The following ANO6 variants were observed in gnomAD, a reference collection of about 807,000 sequenced individuals.
ANO6 encodes anoctamin-6.
In ANO6, 106 loss-of-function variants were observed where a neutral mutation model predicts 117.5. That is an observed-to-expected ratio of 0.90 (90% confidence interval 0.77 to 1.06). The LOEUF (loss-of-function observed/expected upper bound fraction) is 1.06. Ranked by LOEUF, ANO6 falls within the 50% of genes least tolerant of loss-of-function variation. ANO6 has a pLI of 0.00. For missense variants in ANO6, 955 were observed against 1,121.1 expected (o/e 0.85, Z 2.12); for synonymous variants, 367 against 385.1 (o/e 0.95, Z 0.55).
chr12:45,404,661 G>A (rs1040182396), intron 15 of ANO6, among the ~76,000 whole-genome samples: 1 of 151,708 alleles, frequency 6.6e-6, no homozygotes, highest in Non-Finnish European at 1.5e-5. Context: ...CACCTCTCCC[G>A]CCTTCTGTCT....
intron 1 of ANO6, among the ~76,000 whole-genome samples, chr12:45,225,883 A>G (rs1565630643): frequency 6.6e-6 from 1 of 152,214 alleles, no homozygotes; most frequent in South Asian, 2.1e-4. Flanking sequence ...AGAACAGAAA[A>G]TATTTCCAAT....
At chr12:45,299,724 C>T (rs1939417564) in intron 1 of ANO6, among the ~76,000 whole-genome samples, 1 of 151,874 alleles carries the variant, frequency 6.6e-6, no homozygotes. Context: ...TGTAGTGGCA[C>T]GCCTGTAGTC....
In ANO6 at chr12:45,430,427, C is replaced by A. The variant is rs113012503; in HGVS notation, c.*1116C>A. On this transcript the variant is annotated 3_prime_UTR_variant, in exon 20 of 20. Transcript: ENST00000320560. Reference sequence around the variant, plus strand: ...GGAGTCTGCAGGAATTGGCTTATTTCTGTATGCCAAAGTGATCAACACACC... The same window carrying A: ...GGAGTCTGCAGGAATTGGCTTATTTATGTATGCCAAAGTGATCAACACACC... 2.0e-3 allele frequency: 1,999 copies of A among 985,332 alleles called. 25 individuals carry two copies. The African/African-American group carries it at 0.029, about 14-fold the overall frequency. The allele number at this position is 985,332 out of a possible 1,614,324, so 61.0% of individuals were successfully genotyped here. A position where few individuals can be genotyped will look rare whatever the true frequency, so the allele number is the denominator to read the frequency against.
intron 1 of ANO6, among the ~76,000 whole-genome samples, chr12:45,290,172 T>A (rs554963007): frequency 1.4e-4 from 20 of 147,282 alleles, no homozygotes; most frequent in East Asian, 7.8e-4. Flanking sequence ...ACATGTAAAA[T>A]TTTTTTTTTT....
intron 1 of ANO6, among the ~76,000 whole-genome samples, chr12:45,217,301 C>G (rs1947331546): frequency 1.3e-5 from 2 of 152,108 alleles, no homozygotes; most frequent in South Asian, 4.1e-4. Context: ...TCTGTTGTGG[C>G]GACTCGGCTT....
At chr12:45,407,413 C>A (rs1412934083) in intron 15 of ANO6, among the ~76,000 whole-genome samples, 1 of 150,010 alleles carries the variant, frequency 6.7e-6, no homozygotes, top group Non-Finnish European at 1.5e-5. Flanking sequence ...AGAAACCACA[C>A]CCAGTGACCT....
chr12:45,225,688 A>C (rs1014538417), intron 1 of ANO6, among the ~76,000 whole-genome samples: 32 of 152,022 alleles, frequency 2.1e-4, no homozygotes, highest in Non-Finnish European at 4.6e-4. Flanking sequence ...ACGGGGTTTC[A>C]CCCTGTTAAC....
In ANO6 at chr12:45,357,367, T is replaced by C; in HGVS notation, c.941T>C (p.Val314Ala). ...ACTCAGATGCTTCTCCTGGCCGCAGTTGTAGGAGTGGCTTGCTTTCTCTAT... is the reference window on the plus strand; with the variant it reads ...ACTCAGATGCTTCTCCTGGCCGCAGCTGTAGGAGTGGCTTGCTTTCTCTAT... ...YYTQMLLLAA[V>A]VGVACFLYGY... is the part of the protein sequence containing the mutation. The change falls in exon 8 of 20, where the codon GTT (valine) becomes GCT (alanine). Residue 314 changes from valine (V) to alanine (A), a missense_variant. Transcript: ENST00000320560. The C allele has an allele frequency of 1.2e-6, 2 of 1,614,044 alleles. No homozygotes were observed. The highest frequency in any genetic ancestry group is 1.1e-5 in the South Asian group (1 of 91,070).
chr12:45,291,815 T>C (rs1939111126), intron 1 of ANO6, among the ~76,000 whole-genome samples: 1 of 151,814 alleles, frequency 6.6e-6, no homozygotes, highest in African/African-American at 2.4e-5. Flanking sequence ...GCACACAAAA[T>C]AGTAAGTGTT....
chr12:45,294,538 G>A (rs191705360), intron 1 of ANO6, among the ~76,000 whole-genome samples: 11 of 152,280 alleles, frequency 7.2e-5, no homozygotes, highest in African/African-American at 2.6e-4. Context: ...ACAGAGAACT[G>A]TAATGAAAAC....
chr12:45,437,018 G>C (rs147436298), downstream of ANO6, among the ~76,000 whole-genome samples: 10 of 152,118 alleles, frequency 6.6e-5, no homozygotes, highest in Non-Finnish European at 1.2e-4. Flanking sequence ...AGGCCCCAGG[G>C]TTATACCTTA....
In ANO6 at chr12:45,401,910, AC is replaced by A; in HGVS notation, c.1504del (p.Leu502Ter). ...AATGGAACAGACCCAATCCAGAAATACCTGACTCCACAGACAGCCACGTCCA... is the reference window on the plus strand; with the variant it reads ...AATGGAACAGACCCAATCCAGAAATACTGACTCCACAGACAGCCACGTCCA... ...NINGTDPIQK[Y>X]LTPQTATSIT... On this transcript the variant is annotated frameshift_variant, in exon 13 of 20. Coordinates refer to ENST00000320560, the MANE Select transcript of ANO6 (RefSeq NM_001025356.3). LOFTEE classifies it high-confidence loss of function. 2 of 1,614,104 alleles carry A rather than the reference AC, an allele frequency of 1.2e-6. No homozygotes were observed. Among genetic ancestry groups the A allele is most frequent in the Non-Finnish European group, 1.7e-6 (2 of 1,179,996 alleles).
intron 9 of ANO6, among the ~76,000 whole-genome samples, chr12:45,371,795 G>A (rs1178091201): frequency 6.6e-6 from 1 of 152,250 alleles, no homozygotes; most frequent in Non-Finnish European, 1.5e-5. Context: ...ACTCTAAAAA[G>A]CAGAACGCCT....
rs959358867 is a variant in ANO6, at chr12:45,405,493, CTA to C, written c.1880+1959_1880+1960del. Reference sequence around the variant, plus strand: ...GAACTTTGCCTTCAAATTTCTCCCCCTATGTTTTCTTGTTTGAAAACTGAGAA... The same window carrying C: ...GAACTTTGCCTTCAAATTTCTCCCCCTGTTTTCTTGTTTGAAAACTGAGAA... On this transcript the variant is annotated intron_variant, in intron 15 of 19. Transcript: ENST00000320560. Among the ~76,000 whole-genome samples the C allele has an allele frequency of 5.3e-5, 8 of 152,320 alleles. No individual in the cohort carries two copies. The East Asian group carries it at 5.8e-4, about 11-fold the overall frequency.
chr12:45,406,292 C>T (rs569941833), intron 15 of ANO6, among the ~76,000 whole-genome samples: 60 of 152,316 alleles, frequency 3.9e-4, no homozygotes, highest in African/African-American at 1.1e-3. Flanking sequence ...CAGTGAGACC[C>T]GGAGAGCAAG....
chr12:45,250,316 A>G (rs1481537769), intron 1 of ANO6, among the ~76,000 whole-genome samples: 1 of 152,228 alleles, frequency 6.6e-6, no homozygotes. Context: ...CTCTCCAAAT[A>G]GTAATTCTTT....
intron 1 of ANO6, among the ~76,000 whole-genome samples, chr12:45,217,370 CTGT>C (rs1947332467): frequency 6.6e-6 from 1 of 152,124 alleles, no homozygotes; most frequent in African/African-American, 2.4e-5. Flanking sequence ...TTCTAAAGCC[CTGT>C]TGTTATCTAA....
intron 2 of ANO6, among the ~76,000 whole-genome samples, chr12:45,307,673 A>C (rs1221011757): frequency 6.6e-6 from 1 of 152,108 alleles, no homozygotes; most frequent in Non-Finnish European, 1.5e-5. Flanking sequence ...TGAGAGCAGC[A>C]AGGAAAGGAG....
chr12:45,388,151 T>C lies in ANO6; in HGVS notation c.1166-10T>C, dbSNP rs1239335798. The C allele has an allele frequency of 1.2e-6, 2 of 1,613,792 alleles. No homozygotes were observed. The highest frequency in any genetic ancestry group is 2.2e-5 in the South Asian group (2 of 91,072). ...GAAAATCCACACAAGCTCTTCTGTCTCTCTGTTAGTTACCTTGTTTTTGGA... is the reference window on the plus strand; with the variant it reads ...GAAAATCCACACAAGCTCTTCTGTCCCTCTGTTAGTTACCTTGTTTTTGGA... On this transcript the variant is annotated splice_polypyrimidine_tract_variant and intron_variant, in intron 10 of 19. Coordinates refer to ENST00000320560, the MANE Select transcript of ANO6 (RefSeq NM_001025356.3).
Sources: allele counts gnomAD v4.1 joint callset (sites outside exome capture counted in the v4.1 genomes callset), GRCh38; gene constraint gnomAD v4.1.1; transcripts MANE v1.5; gene names NCBI Gene and HGNC (gene_info 2026-07-23, HGNC 2026-07-21).